Variants in CTNNA2 observed in about 807,000 individuals in gnomAD.
The protein encoded by CTNNA2 is catenin alpha-2.
Under a neutral mutation model 101.0 loss-of-function variants are expected in CTNNA2, and 42 were observed. The observed-to-expected ratio is 0.42, with a 90% CI of 0.32 to 0.54. The LOEUF is 0.54. Ranked by LOEUF, CTNNA2 falls within the 20% of genes least tolerant of loss-of-function variation. The pLI is 0.14. For missense variants in CTNNA2, 871 were observed against 1,223.1 expected, an observed-to-expected ratio of 0.71 and a Z score of 4.29; for synonymous variants, 450 against 456.4, an observed-to-expected ratio of 0.99 and a Z score of 0.18.
intron 11 of CTNNA2, among the ~76,000 whole-genome samples, 177 bp downstream of exon 11, chr2:80,546,240 A>G (rs993063072): frequency 6.6e-6 from 1 of 152,146 alleles, no homozygotes; most frequent in African/African-American, 2.4e-5. Context: ...TTCGGTGTTT[A>G]TGTTATTTCA....
intron 1 of CTNNA2, among the ~76,000 whole-genome samples, chr2:79,572,051 G>A (rs1254419163): frequency 6.6e-6 from 1 of 152,036 alleles, no homozygotes; most frequent in Admixed American, 6.6e-5. Flanking sequence ...GACAGTTTTT[G>A]TATTGTTTTA....
intron 7 of CTNNA2, among the ~76,000 whole-genome samples, chr2:80,046,825 T>G (rs1011000168): frequency 2.6e-5 from 4 of 152,226 alleles, no homozygotes; most frequent in Non-Finnish European, 2.9e-5. Context: ...CAACATGTAC[T>G]CTAGGTATTA....
intron 15 of CTNNA2, among the ~76,000 whole-genome samples, chr2:80,601,240 C>T (rs1354157496): frequency 1.3e-5 from 2 of 151,928 alleles, no homozygotes; most frequent in South Asian, 4.1e-4. Context: ...AAGTGAGCAT[C>T]TTTAAATAGT....
At chr2:79,666,020 A>G (rs2104553838) in intron 2 of CTNNA2, among the ~76,000 whole-genome samples, 1 of 152,288 alleles carries the variant, frequency 6.6e-6, no homozygotes, top group African/African-American at 2.4e-5. Context: ...GAAACTTCTC[A>G]AGCTTGTTTT....
At chr2:79,690,731 G>A (rs1039214135) in intron 2 of CTNNA2, among the ~76,000 whole-genome samples, 15 of 151,964 alleles carry the variant, frequency 9.9e-5, no homozygotes, top group Non-Finnish European at 2.9e-5. Context: ...GTGGAGCGAG[G>A]ATTTACACCC....
At chr2:80,284,625 A>ATTT (rs992594201) in intron 7 of CTNNA2, among the ~76,000 whole-genome samples, 19,776 of 150,560 alleles carry the variant, frequency 0.13, 3,257 homozygotes, top group African/African-American at 0.39. Context: ...TCAATCACAC[A>ATTT]TTTTTTTTTG....
At chr2:79,877,878 G>A (rs545786103) in intron 6 of CTNNA2, among the ~76,000 whole-genome samples, 20 of 152,138 alleles carry the variant, frequency 1.3e-4, no homozygotes, top group African/African-American at 3.9e-4. Context: ...CAGGATACAC[G>A]TGCAAAATGT....
At chr2:79,722,696 C>T (rs1305308645) in intron 2 of CTNNA2, among the ~76,000 whole-genome samples, 2 of 152,176 alleles carry the variant, frequency 1.3e-5, no homozygotes, top group Admixed American at 6.5e-5. Flanking sequence ...GCCCCCACCA[C>T]TAGACGGAAT....
intron 3 of CTNNA2, among the ~76,000 whole-genome samples, chr2:79,331,209 C>G (rs571422852): frequency 1.3e-5 from 2 of 152,270 alleles, no homozygotes; most frequent in East Asian, 3.9e-4. Context: ...GCTACCCACA[C>G]TCCCTGCCAG....
intron 2 of CTNNA2, among the ~76,000 whole-genome samples, chr2:79,240,788 A>T (rs1674616549): frequency 6.6e-6 from 1 of 152,178 alleles, no homozygotes; most frequent in South Asian, 2.1e-4. Flanking sequence ...CACAGAGAAC[A>T]GTTCTGAGTC....
chr2:80,300,170 TAATA>T (rs1458392021), intron 7 of CTNNA2, among the ~76,000 whole-genome samples: 2 of 152,000 alleles, frequency 1.3e-5, no homozygotes, highest in African/African-American at 4.8e-5. Flanking sequence ...TCTAGAACAC[TAATA>T]GTCTGAATGG....
chr2:79,431,322 A>C (rs1678657243), intron 4 of CTNNA2, among the ~76,000 whole-genome samples: 1 of 152,170 alleles, frequency 6.6e-6, no homozygotes, highest in Non-Finnish European at 1.5e-5. Flanking sequence ...TGCAGGTAAC[A>C]CTGAGGCAGG....
intron 3 of CTNNA2, among the ~76,000 whole-genome samples, chr2:79,317,676 T>C (rs1031107511): frequency 2.6e-5 from 4 of 152,130 alleles, no homozygotes; most frequent in Non-Finnish European, 5.9e-5. Flanking sequence ...CCTTATTTCA[T>C]ATATTTGGTT....
intron 3 of CTNNA2, among the ~76,000 whole-genome samples, chr2:79,361,339 T>C (rs969048916): frequency 1.3e-5 from 2 of 152,192 alleles, no homozygotes; most frequent in African/African-American, 4.8e-5. Context: ...TAAGTTATGC[T>C]TCATCACAAT....
intron 12 of CTNNA2, among the ~76,000 whole-genome samples, chr2:80,558,875 C>A (rs943693588): frequency 1.4e-4 from 21 of 152,088 alleles, no homozygotes; most frequent in African/African-American, 4.3e-4. Flanking sequence ...TTAAAAAATT[C>A]TGTGCCATTA....
intron 7 of CTNNA2, among the ~76,000 whole-genome samples, chr2:80,141,689 T>C (rs1425810607): frequency 6.6e-6 from 1 of 152,004 alleles, no homozygotes; most frequent in East Asian, 1.9e-4. Context: ...GCCCAAAGCA[T>C]GGAAATAAAG....
intron 2 of CTNNA2, among the ~76,000 whole-genome samples, chr2:79,282,140 C>T (rs1031087578): frequency 6.6e-6 from 1 of 152,030 alleles, no homozygotes; most frequent in Non-Finnish European, 1.5e-5. Flanking sequence ...ATGAGAAAAA[C>T]AGGGTTGAGA....
intron 7 of CTNNA2, among the ~76,000 whole-genome samples, chr2:80,228,227 G>A (rs1709000697): frequency 6.6e-6 from 1 of 152,210 alleles, no homozygotes; most frequent in Non-Finnish European, 1.5e-5. Context: ...ATAAACAACA[G>A]AAGTTTATTG....
At chr2:80,254,890 T>C (rs771231264) in intron 7 of CTNNA2, among the ~76,000 whole-genome samples, 13 of 152,120 alleles carry the variant, frequency 8.5e-5, no homozygotes, top group Non-Finnish European at 1.6e-4. Flanking sequence ...ACATCTCAAA[T>C]GGAAGAGACA....
Sources: gnomAD v4.1 joint callset for allele counts (sites outside exome capture counted in the v4.1 genomes callset) on GRCh38, gnomAD v4.1.1 for gene constraint, MANE v1.5 for transcripts, NCBI Gene and HGNC (gene_info 2026-07-23, HGNC 2026-07-21) for gene names.